SLC22A3: variants seen among roughly 807,000 people sequenced by gnomAD.
SLC22A3 encodes EMT organic cation transporter 3.
SLC22A3 carries 51 observed loss-of-function variants against 59.1 expected under a neutral mutation model. That is an observed-to-expected ratio of 0.86 (90% CI 0.69 to 1.09). The LOEUF is 1.09. Among genes scored for constraint, SLC22A3 ranks in the 50% least tolerant of loss-of-function variants. SLC22A3 has a pLI of 0.00. For synonymous variants in SLC22A3, 325 were observed against 292.0 expected (o/e 1.11, Z -1.15); for missense variants, 711 against 726.3 (o/e 0.98, Z 0.24).
chr6:160,425,591 A>G (rs943637886), intron 5 of SLC22A3, among the ~76,000 whole-genome samples: 3 of 152,002 alleles, frequency 2.0e-5, no homozygotes, highest in African/African-American at 4.8e-5. Context: ...ACTTATTTTC[A>G]TCATATAAAT....
chr6:160,396,990 G>T (rs1223137643), intron 1 of SLC22A3, among the ~76,000 whole-genome samples: 1 of 152,108 alleles, frequency 6.6e-6, no homozygotes, highest in African/African-American at 2.4e-5. Flanking sequence ...GAAAAAAATT[G>T]ATGTCAAATT....
chr6:160,438,165 C>G (rs1003645552), intron 7 of SLC22A3, among the ~76,000 whole-genome samples: 1 of 152,100 alleles, frequency 6.6e-6, no homozygotes, highest in Non-Finnish European at 1.5e-5. Context: ...GAGCTCCATG[C>G]CTGGTAGATG....
chr6:160,450,339 C>T (rs1025817002), intron 10 of SLC22A3, among the ~76,000 whole-genome samples: 2 of 152,196 alleles, frequency 1.3e-5, no homozygotes, highest in Admixed American at 6.5e-5. Context: ...TTTATAGGCT[C>T]TCTGCAAGAA....
chr6:160,441,054 G>T (rs1788518655), intron 7 of SLC22A3, among the ~76,000 whole-genome samples: 1 of 152,080 alleles, frequency 6.6e-6, no homozygotes, highest in South Asian at 2.1e-4. Flanking sequence ...CCTTGAATTT[G>T]TCGGTGGGAC....
Position 160,436,874 on chromosome 6 carries a change from CTTGGTAA to C in SLC22A3, c.1071_1073+4del, listed in dbSNP as rs1376098861. The C allele has an allele frequency of 4.3e-6, 7 of 1,613,412 alleles. No homozygotes were observed. The highest frequency in any genetic ancestry group is 5.9e-6 in the Non-Finnish European group (7 of 1,179,428). ...AAATGCACACTTATTCTTATGTTTG[CTTGGTAA>C]GTTTGACTTGTGATGGATTTAAAAG... On this transcript the variant is annotated splice_donor_variant and splice_donor_region_variant and coding_sequence_variant and intron_variant, in exon 6 of 11. Coordinates refer to ENST00000275300, the MANE Select transcript of SLC22A3 (RefSeq NM_021977.4). LOFTEE classifies it high-confidence loss of function.
intron 7 of SLC22A3, among the ~76,000 whole-genome samples, chr6:160,440,123 T>C (rs1788492066): frequency 6.6e-6 from 1 of 152,232 alleles, no homozygotes; most frequent in African/African-American, 2.4e-5. Context: ...TGTATTCTCA[T>C]CTCAGACTCA....
chr6:160,397,336 A>G (rs1786518125), intron 1 of SLC22A3, among the ~76,000 whole-genome samples: 1 of 151,964 alleles, frequency 6.6e-6, no homozygotes, highest in Non-Finnish European at 1.5e-5. Context: ...CTCGTGGCCC[A>G]CTACTGCTCA....
chr6:160,446,240 T>A (rs143665477), intron 9 of SLC22A3, among the ~76,000 whole-genome samples: 2 of 152,112 alleles, frequency 1.3e-5, no homozygotes, highest in East Asian at 1.9e-4. Flanking sequence ...AGGGAGAATA[T>A]AGGCTGAGTC....
chr6:160,439,502 T>G (rs1269286232), intron 7 of SLC22A3, among the ~76,000 whole-genome samples: 3 of 152,190 alleles, frequency 2.0e-5, no homozygotes, highest in Non-Finnish European at 4.4e-5. Context: ...GCATTCAGAA[T>G]GACCCCAGAA....
chr6:160,374,526 C>T (rs545734416), intron 1 of SLC22A3, among the ~76,000 whole-genome samples: 8 of 152,294 alleles, frequency 5.3e-5, no homozygotes, highest in Non-Finnish European at 8.8e-5. Context: ...TTTTCACTGG[C>T]TTCATATGCT....
At chr6:160,388,182 T>C (rs1786098957) in intron 1 of SLC22A3, among the ~76,000 whole-genome samples, 1 of 152,228 alleles carries the variant, frequency 6.6e-6, no homozygotes, top group African/African-American at 2.4e-5. Context: ...TGGTGGTAAT[T>C]TGTTATATAG....
chr6:160,387,366 C>G (rs2114808790), intron 1 of SLC22A3, among the ~76,000 whole-genome samples: 1 of 152,326 alleles, frequency 6.6e-6, no homozygotes, highest in Admixed American at 6.5e-5. Flanking sequence ...TGACCCCCGG[C>G]TTTTCTCCCA....
In SLC22A3 at chr6:160,407,011, G is replaced by A. The variant is rs758088379; in HGVS notation, c.534-30G>A. 1.9e-6 allele frequency: 3 copies of A among 1,612,104 alleles called. No individual in the cohort carries two copies. The South Asian group carries it at 3.3e-5, about 18-fold the overall frequency. On this transcript the variant is annotated intron_variant, in intron 2 of 10. Coordinates refer to ENST00000275300, the MANE Select transcript of SLC22A3 (RefSeq NM_021977.4). ...CATTGTGTTGAAGAAAATGTTTAAGGTGAGCTCTTTTCCTGTCTTTCTCAA... is the reference window on the plus strand; with the variant it reads ...CATTGTGTTGAAGAAAATGTTTAAGATGAGCTCTTTTCCTGTCTTTCTCAA...
intron 5 of SLC22A3, among the ~76,000 whole-genome samples, chr6:160,435,883 C>A (rs1270208348): frequency 2.0e-5 from 3 of 152,152 alleles, no homozygotes; most frequent in Non-Finnish European, 4.4e-5. Flanking sequence ...GAACACCAGG[C>A]ACTTTGCTTG....
chr6:160,408,115 A>G (rs1478934308), intron 3 of SLC22A3, among the ~76,000 whole-genome samples: 1 of 152,194 alleles, frequency 6.6e-6, no homozygotes, highest in East Asian at 1.9e-4. Flanking sequence ...TGAGGGCAAC[A>G]ATAAAGTAGC....
At chr6:160,450,433 ACT>A (rs1399666538) in intron 10 of SLC22A3, among the ~76,000 whole-genome samples, 2 of 152,106 alleles carry the variant, frequency 1.3e-5, no homozygotes, top group Non-Finnish European at 2.9e-5. Context: ...AATCGCTGTT[ACT>A]CTGTTCTATT....
intron 1 of SLC22A3, among the ~76,000 whole-genome samples, chr6:160,361,577 G>A (rs1187625841): frequency 6.6e-6 from 1 of 152,170 alleles, no homozygotes; most frequent in Non-Finnish European, 1.5e-5. Flanking sequence ...CTTGACATGT[G>A]TTCAACTCAC....
intron 5 of SLC22A3, among the ~76,000 whole-genome samples, chr6:160,416,531 C>A (rs1378732346): frequency 6.6e-6 from 1 of 152,044 alleles, no homozygotes; most frequent in Non-Finnish European, 1.5e-5. Flanking sequence ...TACAGCATGA[C>A]AGCGTCTCAC....
rs73022312 is a variant in SLC22A3 at position 160,416,496 on chromosome 6, A to G, written c.975+5650A>G. On this transcript the variant is annotated intron_variant, in intron 5 of 10. Coordinates refer to ENST00000275300, the MANE Select transcript of SLC22A3 (RefSeq NM_021977.4). ...AAAAAAACAAATTATGGGTAAGTCT[A>G]CAATAATGATAGCACAGGCACAGCT... Among the ~76,000 whole-genome samples, 1,345 of 152,150 alleles carry G rather than the reference A, an allele frequency of 8.8e-3. 10 individuals are homozygous for G. Among genetic ancestry groups the G allele is most frequent in the Middle Eastern group, 0.027 (8 of 294 alleles).
Sources: gnomAD v4.1 joint callset for allele counts (sites outside exome capture counted in the v4.1 genomes callset) on GRCh38, gnomAD v4.1.1 for gene constraint, MANE v1.5 for transcripts, NCBI Gene and HGNC (gene_info 2026-07-23, HGNC 2026-07-21) for gene names.